Variants in NTMT1 observed in about 807,000 individuals in gnomAD.
NTMT1 encodes the protein N-terminal RCC1 methyltransferase.
NTMT1 carries 8 observed loss-of-function variants against 17.5 expected under a neutral mutation model. The observed-to-expected ratio is 0.46, with a 90% confidence interval of 0.27 to 0.82. NTMT1 has a LOEUF of 0.82. Among genes scored for constraint, NTMT1 ranks in the 40% least tolerant of loss-of-function variants. The pLI, the probability that NTMT1 is intolerant of heterozygous loss-of-function variation, is 0.15. For synonymous variants in NTMT1, 128 were observed against 126.8 expected (o/e 1.01, Z -0.06); for missense variants, 221 against 303.5 (o/e 0.73, Z 2.02).
upstream of NTMT1, among the ~76,000 whole-genome samples, chr9:129,623,345 A>AAGAAGGAAGGAAG (rs1554775222): frequency 3.8e-3 from 541 of 142,706 alleles, 6 homozygotes; most frequent in African/African-American, 0.013. Context: ...AAAAAAAAAA[A>AAGAAGGAAGGAAG]GAAGGAAGGA....
Position 129,614,921 on chromosome 9 carries a change from G to T in NTMT1, c.-55+5743G>T, listed in dbSNP as rs1216972820. On this transcript the variant is annotated intron_variant, in intron 1 of 3. Transcript: ENST00000372486. The surrounding 1 kb of genome is among the most constrained non-coding windows in gnomAD (Gnocchi z 4.4). Reference sequence around the variant, plus strand: ...CGTATCAGAAAAAAAAAAAGAAAAAGAAAACTCACTGGGAACTGCAAAACA... The same window carrying T: ...CGTATCAGAAAAAAAAAAAGAAAAATAAAACTCACTGGGAACTGCAAAACA... Among the ~76,000 whole-genome samples the T allele has an allele frequency of 2.0e-5, 3 of 151,852 alleles. No individual in the cohort carries two copies. Among genetic ancestry groups the T allele is most frequent in the African/African-American group, 7.3e-5 (3 of 41,324 alleles).
chr9:129,631,383 G>T lies in NTMT1; in HGVS notation c.-54-1267G>T, dbSNP rs111963672. Among the ~76,000 whole-genome samples the T allele has an allele frequency of 4.2e-3, 643 of 152,348 alleles. 8 individuals are homozygous for T. Among genetic ancestry groups the T allele is most frequent in the African/African-American group, 0.014 (590 of 41,590 alleles). On this transcript the variant is annotated intron_variant, in intron 1 of 3. Transcript: ENST00000372483. ...GCCTTGGTGACAGCACTGTGCCTTGGGAAGCTTATGGCAGAATGGCCACCC... is the reference window on the plus strand; with the variant it reads ...GCCTTGGTGACAGCACTGTGCCTTGTGAAGCTTATGGCAGAATGGCCACCC...
At chr9:129,634,803 A>C (rs943104054) in intron 3 of NTMT1, 27 of 249,996 alleles carry the variant, frequency 1.1e-4, no homozygotes, top group Middle Eastern at 1.4e-3. Context: ...CTGGCCTTGT[A>C]TTTTGTGGTC....
Position 129,619,818 on chromosome 9 carries a change from G to A in NTMT1, c.-55+10640G>A, listed in dbSNP as rs1388746183. Reference sequence around the variant, plus strand: ...CTCTAATACACCCCTTTGATGTTGCGGTGCTGGGGATGCTGGAGCCAGGAG... The same window carrying A: ...CTCTAATACACCCCTTTGATGTTGCAGTGCTGGGGATGCTGGAGCCAGGAG... On this transcript the variant is annotated intron_variant, in intron 1 of 3. Transcript: ENST00000372486. The A allele has an allele frequency of 6.2e-6, 10 of 1,614,118 alleles. No homozygotes were observed. The South Asian group carries it at 8.8e-5, about 14-fold the overall frequency.
upstream of NTMT1, among the ~76,000 whole-genome samples, chr9:129,623,564 G>T (rs1418019203): frequency 6.6e-6 from 1 of 152,124 alleles, no homozygotes; most frequent in Admixed American, 6.6e-5. Flanking sequence ...TTTCACTGGC[G>T]TGGCATAGTT....
Position 129,613,720 on chromosome 9 carries a change from TC to T in NTMT1, c.-55+4546del. ...CCCTGTCTCCATGGCAACCCCAGGC[TC>T]CCCAGCGCCTTCTGGCTGCCTCCAG... On this transcript the variant is annotated intron_variant, in intron 1 of 3. Coordinates refer to the NTMT1 transcript ENST00000372486. This position sits in a 1 kb window ranked among gnomAD's most constrained non-coding sequence, Gnocchi z 6.2. 8.0e-7 allele frequency: 1 copy of T among 1,252,316 alleles called. No individual in the cohort carries two copies. The highest frequency in any genetic ancestry group is 1.1e-6 in the Non-Finnish European group (1 of 906,314). The allele number at this position is 1,252,316 out of a possible 1,614,324, so 77.6% of individuals were successfully genotyped here. A position where few individuals can be genotyped will look rare whatever the true frequency, so the allele number is the denominator to read the frequency against.
Position 129,613,230 on chromosome 9 carries a change from G to T in NTMT1, c.-55+4052G>T. 6.2e-7 allele frequency: 1 copy of T among 1,611,190 alleles called. No homozygotes were observed. Among genetic ancestry groups the T allele is most frequent in the Non-Finnish European group, 8.5e-7 (1 of 1,178,440 alleles). ...TCATGGAGGTGTCCTCAGAAAGGTAGCCCTGTGTCTTCTGGGTGGACCTGG... is the reference window on the plus strand; with the variant it reads ...TCATGGAGGTGTCCTCAGAAAGGTATCCCTGTGTCTTCTGGGTGGACCTGG... On this transcript the variant is annotated intron_variant, in intron 1 of 3. Transcript: ENST00000372486. This position sits in a 1 kb window ranked among gnomAD's most constrained non-coding sequence, Gnocchi z 6.2.
rs1588147199 is a variant in NTMT1, at chr9:129,635,681, A to T, written c.*217A>T. The T allele has an allele frequency of 1.7e-6, 1 of 577,754 alleles. No individual in the cohort carries two copies. 35.8% of individuals were successfully genotyped at this position (577,754 alleles called of 1,614,324 possible). A position where few individuals can be genotyped will look rare whatever the true frequency, so the allele number is the denominator to read the frequency against. ...AACCAGCGGTGAGGCAGGAGCCCAG[A>T]CCCTGCTCTCCTGCGAGATGGGATT... On this transcript the variant is annotated 3_prime_UTR_variant, in exon 4 of 4. Coordinates refer to ENST00000372483, the MANE Select transcript of NTMT1 (RefSeq NM_014064.4).
chr9:129,631,579 G>A (rs970272929), intron 1 of NTMT1, among the ~76,000 whole-genome samples: 1 of 152,164 alleles, frequency 6.6e-6, no homozygotes, highest in African/African-American at 2.4e-5. Flanking sequence ...CAGAAGCATC[G>A]GTCTTCCCGG....
intron 1 of NTMT1, among the ~76,000 whole-genome samples, chr9:129,631,000 C>T (rs1248070835): frequency 2.6e-5 from 4 of 152,218 alleles, no homozygotes; most frequent in Non-Finnish European, 4.4e-5. Context: ...AGGCCACCCT[C>T]ATCCAGGCCC....
At chr9:129,619,144 T>C (rs1830544615) in intron 1 of NTMT1, among the ~76,000 whole-genome samples, 2 of 152,034 alleles carry the variant, frequency 1.3e-5, no homozygotes, top group African/African-American at 4.8e-5. Flanking sequence ...GGGTCCATGA[T>C]AGATTAATGG....
In NTMT1 at chr9:129,613,087, G is replaced by A; in HGVS notation, c.-55+3909G>A. 3.1e-6 allele frequency: 5 copies of A among 1,613,392 alleles called. No individual in the cohort carries two copies. Among genetic ancestry groups the A allele is most frequent in the Non-Finnish European group, 4.2e-6 (5 of 1,179,982 alleles). On this transcript the variant is annotated intron_variant, in intron 1 of 3. Coordinates refer to the NTMT1 transcript ENST00000372486. This position sits in a 1 kb window ranked among gnomAD's most constrained non-coding sequence, Gnocchi z 6.2. ...GGGGCTCACCAGCTTCTAGGTCCAG[G>A]AGCAAGACCATTTGCCCACCTGCTC...
At chr9:129,624,015 C>T (rs1183264881), upstream of NTMT1, among the ~76,000 whole-genome samples, 1 of 151,898 alleles carries the variant, frequency 6.6e-6, no homozygotes, top group African/African-American at 2.4e-5. Flanking sequence ...AGGATGGTCT[C>T]GATCTCCTGC....
intron 1 of NTMT1, among the ~76,000 whole-genome samples, chr9:129,617,606 T>A (rs1245127766): frequency 6.6e-6 from 1 of 152,254 alleles, no homozygotes; most frequent in East Asian, 1.9e-4. Flanking sequence ...TTTATTTGTA[T>A]CTTGTGAGAA....
chr9:129,610,214 G>A (rs1830079244), intron 1 of NTMT1, among the ~76,000 whole-genome samples: 1 of 107,388 alleles, frequency 9.3e-6, no homozygotes, highest in Non-Finnish European at 1.9e-5. Context: ...GAGGAGGGAG[G>A]GGGAGGGGAA....
chr9:129,620,710 G>T lies in NTMT1; in HGVS notation c.-55+11532G>T. On this transcript the variant is annotated intron_variant, in intron 1 of 3. Transcript: ENST00000372486. The surrounding 1 kb of genome is among the most constrained non-coding windows in gnomAD (Gnocchi z 5.8). ...AGCGCGGTGCGGGGTGAACGCCACC[G>T]GCCCGGCGGACAGCGAGTGGCTTCA... 1.3e-6 allele frequency: 1 copy of T among 772,906 alleles called. No homozygotes were observed. The highest frequency in any genetic ancestry group is 1.8e-6 in the Non-Finnish European group (1 of 569,792). 47.9% of individuals were successfully genotyped at this position (772,906 alleles called of 1,614,324 possible).
chr9:129,615,656 G>A (rs545080374), intron 1 of NTMT1: 4 of 1,536,820 alleles, frequency 2.6e-6, no homozygotes, highest in East Asian at 2.3e-5. Context: ...TGCTGAGAGA[G>A]GGGAGAGGGG....
chr9:129,632,988 A>AC (rs1460192599), intron 2 of NTMT1, 123 bp downstream of exon 2: 1 of 1,129,620 alleles, frequency 8.9e-7, no homozygotes, highest in Non-Finnish European at 1.3e-6. Flanking sequence ...CTTGGTACCT[A>AC]CCCCAAAGCC....
chr9:129,615,639 T>G, intron 1 of NTMT1: 2 of 1,560,012 alleles, frequency 1.3e-6, no homozygotes, highest in Non-Finnish European at 1.7e-6. Flanking sequence ...CTGTGCACCG[T>G]GGGGCCTGCT....
Sources: gnomAD v4.1 joint callset for allele counts (sites outside exome capture counted in the v4.1 genomes callset) on GRCh38, gnomAD v4.1.1 for gene constraint, Gnocchi (gnomAD v3.1) non-coding constraint, MANE v1.5 for transcripts, NCBI Gene and HGNC (gene_info 2026-07-23, HGNC 2026-07-21) for gene names.